CCDC149: variants seen among roughly 807,000 people sequenced by gnomAD.
CCDC149 encodes coiled-coil domain-containing protein 149.
A neutral mutation model predicts 59.9 loss-of-function variants in CCDC149; 45 were observed. That is an observed-to-expected ratio of 0.75 (90% CI 0.59 to 0.96). CCDC149 has a LOEUF of 0.96. Among genes scored for constraint, CCDC149 ranks in the 40% least tolerant of loss-of-function variants. The pLI, the probability that CCDC149 is intolerant of heterozygous loss-of-function variation, is 0.00. For synonymous variants in CCDC149, 245 were observed against 260.6 expected, an observed-to-expected ratio of 0.94 and a Z score of 0.58; for missense variants, 584 against 664.7, an observed-to-expected ratio of 0.88 and a Z score of 1.33.
intron 2 of CCDC149, among the ~76,000 whole-genome samples, chr4:24,874,877 C>T (rs556849030): frequency 2.0e-5 from 3 of 152,314 alleles, no homozygotes; most frequent in African/African-American, 7.2e-5. Flanking sequence ...AGTTGGCATT[C>T]TCCATTTCAG....
intron 1 of CCDC149, among the ~76,000 whole-genome samples, chr4:24,919,318 TTAA>T (rs1420128512): frequency 6.6e-6 from 1 of 152,176 alleles, no homozygotes; most frequent in African/African-American, 2.4e-5. Context: ...CCCAAGAAGC[TTAA>T]TACTGCAGAA....
At chr4:24,826,776 C>T (rs868023687) in intron 9 of CCDC149, among the ~76,000 whole-genome samples, 9 of 152,082 alleles carry the variant, frequency 5.9e-5, no homozygotes, top group Non-Finnish European at 1.5e-5. Flanking sequence ...TGTTTCAGGA[C>T]AGTAGAGGGG....
chr4:24,967,805 G>A (rs1426215663), intron 1 of CCDC149, among the ~76,000 whole-genome samples: 1 of 151,888 alleles, frequency 6.6e-6, no homozygotes, highest in Non-Finnish European at 1.5e-5. Flanking sequence ...ATGTGGTTGG[G>A]CTGTCAATGA....
In CCDC149 at chr4:24,860,147, G is replaced by A. The variant is rs189368750; in HGVS notation, c.265-6968C>T. On this transcript the variant is annotated intron_variant, in intron 3 of 12. Transcript: ENST00000635206. ...GCCCGCATAGCCAAAGCAAAACTAAGCAAAAAGGACAACTCTGGAGGCATC... is the reference window on the plus strand; with the variant it reads ...GCCCGCATAGCCAAAGCAAAACTAAACAAAAAGGACAACTCTGGAGGCATC... Among the ~76,000 whole-genome samples the A allele has an allele frequency of 1.5e-4, 23 of 152,152 alleles. No homozygotes were observed. The East Asian group carries it at 4.4e-3, about 29-fold the overall frequency.
At chr4:24,917,783 G>A (rs1228368417), upstream of CCDC149, among the ~76,000 whole-genome samples, 2 of 152,254 alleles carry the variant, frequency 1.3e-5, no homozygotes, top group South Asian at 4.1e-4. Context: ...ATTCAAATTT[G>A]TTGTACTTAT....
At chr4:24,833,592 C>G (rs111295349) in intron 8 of CCDC149, among the ~76,000 whole-genome samples, 70 of 152,192 alleles carry the variant, frequency 4.6e-4, no homozygotes, top group African/African-American at 1.6e-3. Flanking sequence ...CCACTGCACT[C>G]CAGCCTGGGC....
Position 24,837,429 on chromosome 4 carries a change from A to G in CCDC149, c.490-29T>C. ...AAACCACAGGGAGAGCCCTTACTCA[A>G]GATGTTCCTCAGGCTCCAGCTTTAT... On this transcript the variant is annotated intron_variant, in intron 5 of 12. Coordinates refer to ENST00000635206, the MANE Select transcript of CCDC149 (RefSeq NM_001330643.2). This position sits in a 1 kb window ranked among gnomAD's most constrained non-coding sequence, Gnocchi z 4.3. The G allele has an allele frequency of 6.2e-7, 1 of 1,611,184 alleles. No homozygotes were observed. Among genetic ancestry groups the G allele is most frequent in the Non-Finnish European group, 8.5e-7 (1 of 1,178,186 alleles).
intron 3 of CCDC149, among the ~76,000 whole-genome samples, chr4:24,870,949 G>A (rs1445393619): frequency 6.6e-6 from 1 of 151,304 alleles, no homozygotes; most frequent in Non-Finnish European, 1.5e-5. Flanking sequence ...GGGGGCTAAG[G>A]CAGGAGAATG....
intron 1 of CCDC149, among the ~76,000 whole-genome samples, chr4:24,960,194 C>T (rs1723598966): frequency 6.6e-6 from 1 of 152,090 alleles, no homozygotes. Flanking sequence ...TTGAAGATAG[C>T]TTGTATAAGT....
At chr4:24,958,268 T>G (rs759498979) in intron 1 of CCDC149, among the ~76,000 whole-genome samples, 1 of 152,174 alleles carries the variant, frequency 6.6e-6, no homozygotes, top group Non-Finnish European at 1.5e-5. Flanking sequence ...GCAAATTGAT[T>G]ATACCAGAAG....
At chr4:24,959,535 T>C (rs1355070255) in intron 1 of CCDC149, among the ~76,000 whole-genome samples, 1 of 152,080 alleles carries the variant, frequency 6.6e-6, no homozygotes, top group Non-Finnish European at 1.5e-5. Flanking sequence ...ATTTGAATTA[T>C]AAACCTGCAG....
At chr4:24,922,926 T>A (rs953443064) in intron 1 of CCDC149, among the ~76,000 whole-genome samples, 4 of 152,202 alleles carry the variant, frequency 2.6e-5, no homozygotes, top group Non-Finnish European at 5.9e-5. Flanking sequence ...TTCTTTTTTT[T>A]TTATTGATTT....
intron 3 of CCDC149, among the ~76,000 whole-genome samples, chr4:24,857,699 GA>G (rs2109197304): frequency 6.6e-6 from 1 of 152,326 alleles, no homozygotes; most frequent in South Asian, 2.1e-4. Flanking sequence ...GAGCCTGGCT[GA>G]AAAGAAATCT....
At chr4:24,903,173 G>A (rs191699526) in intron 1 of CCDC149, among the ~76,000 whole-genome samples, 5 of 150,610 alleles carry the variant, frequency 3.3e-5, no homozygotes, top group East Asian at 2.0e-4. Context: ...CTGCCTTTAC[G>A]TCTAAGAAAG....
intron 1 of CCDC149, among the ~76,000 whole-genome samples, chr4:24,912,272 C>T (rs1721919481): frequency 6.6e-6 from 1 of 152,110 alleles, no homozygotes; most frequent in Non-Finnish European, 1.5e-5. Context: ...CCCTCCCCAC[C>T]TTACACATGG....
At chr4:24,849,126 C>G (rs951793950) in intron 4 of CCDC149, among the ~76,000 whole-genome samples, 1 of 152,058 alleles carries the variant, frequency 6.6e-6, no homozygotes, top group Non-Finnish European at 1.5e-5. Context: ...CTTTTCTTAA[C>G]GCCCAGAAGA....
chr4:24,846,732 C>A (rs924266264), intron 4 of CCDC149, among the ~76,000 whole-genome samples: 2 of 152,162 alleles, frequency 1.3e-5, no homozygotes, highest in African/African-American at 2.4e-5. Context: ...TTATTAAGGG[C>A]AAAACCCTGT....
At chr4:24,946,591 C>T (rs553248672) in intron 1 of CCDC149, among the ~76,000 whole-genome samples, 3 of 152,168 alleles carry the variant, frequency 2.0e-5, no homozygotes, top group African/African-American at 4.8e-5. Context: ...TTGGTTAAAA[C>T]GCAGTTGCAT....
downstream of CCDC149, among the ~76,000 whole-genome samples, chr4:24,805,837 A>G (rs1223796541): frequency 6.6e-6 from 1 of 152,226 alleles, no homozygotes; most frequent in Non-Finnish European, 1.5e-5. Context: ...GAGCTGTTGC[A>G]GCCACCTCGT....
Sources: allele counts gnomAD v4.1 joint callset (sites outside exome capture counted in the v4.1 genomes callset), GRCh38; gene constraint gnomAD v4.1.1; non-coding constraint Gnocchi (gnomAD v3.1); transcripts MANE v1.5; gene names NCBI Gene and HGNC (gene_info 2026-07-23, HGNC 2026-07-21).